OLFML2A: variants seen among roughly 807,000 people sequenced by gnomAD.
OLFML2A encodes the protein olfactomedin-like protein 2A.
In OLFML2A, 47 loss-of-function variants were observed where a neutral mutation model predicts 60.9. The ratio of observed to expected loss-of-function variants is 0.77; its 90% CI spans 0.61 to 0.98. The LOEUF (loss-of-function observed/expected upper bound fraction) is 0.98, where lower values mean the gene tolerates loss of function less well. OLFML2A is among the 50% of genes least tolerant of loss of function. OLFML2A has a pLI of 0.00. For missense variants in OLFML2A, 922 were observed against 879.8 expected, an observed-to-expected ratio of 1.05 and a Z score of -0.61; for synonymous variants, 372 against 375.0, an observed-to-expected ratio of 0.99 and a Z score of 0.09.
rs182318747 is a variant in OLFML2A, at chr9:124,778,155, C to A, written c.90+795C>A. Among the ~76,000 whole-genome samples, 55 of 151,450 alleles carry A rather than the reference C, an allele frequency of 3.6e-4. No individual in the cohort carries two copies. The East Asian group carries it at 7.5e-3, about 21-fold the overall frequency. ...CGGGCGGATCACAAGGTCAGGAGATCGAGACCATCCTGGCTAACACGGTGA... is the reference window on the plus strand; with the variant it reads ...CGGGCGGATCACAAGGTCAGGAGATAGAGACCATCCTGGCTAACACGGTGA... On this transcript the variant is annotated intron_variant, in intron 1 of 7. Coordinates refer to ENST00000373580, the MANE Select transcript of OLFML2A (RefSeq NM_182487.4).
At chr9:124,798,842 A>G (rs553717579) in intron 3 of OLFML2A, among the ~76,000 whole-genome samples, 1 of 152,328 alleles carries the variant, frequency 6.6e-6, no homozygotes, top group African/African-American at 2.4e-5. Context: ...ACGGAGCACT[A>G]TATATGCAGA....
chr9:124,785,362 A>G (rs1194155018), intron 1 of OLFML2A, among the ~76,000 whole-genome samples: 1 of 147,852 alleles, frequency 6.8e-6, no homozygotes, highest in Non-Finnish European at 1.5e-5. Flanking sequence ...TTCACTTCCA[A>G]GTCTTTGTTT....
rs1841841447 is a variant in OLFML2A, at chr9:124,804,188, T to C, written c.1014T>C (p.Asp338=). The change falls in exon 6 of 8, where the codon GAT becomes GAC. Residue 338 remains aspartate, a synonymous_variant. Coordinates refer to ENST00000373580, the MANE Select transcript of OLFML2A (RefSeq NM_182487.4). ...CAGAGCCCAACTCCGCAGAGCAGGA[T>C]GAGGCTGAGCCCAGGTCCTCCGAGC... The part of the protein sequence containing the change: ...NSAEPNSAEQ[D]EAEPRSSERV... The C allele has an allele frequency of 6.2e-7, 1 of 1,614,094 alleles. No individual in the cohort carries two copies.
chr9:124,786,645 C>T (rs1841475887), intron 1 of OLFML2A, among the ~76,000 whole-genome samples: 3 of 150,900 alleles, frequency 2.0e-5, no homozygotes, highest in South Asian at 4.2e-4. Context: ...GGCGTGAACC[C>T]AGGAGGCGGA....
intron 3 of OLFML2A, among the ~76,000 whole-genome samples, chr9:124,797,547 T>C (rs557102396): frequency 9.9e-5 from 15 of 152,238 alleles, no homozygotes; most frequent in African/African-American, 2.4e-5. Context: ...TCAATCACTT[T>C]TAGGTTATCT....
In OLFML2A at chr9:124,779,010, A is replaced by G; in HGVS notation, c.90+1650A>G. ...CACGGTGAGTATATGAGCAGTGGGC[A>G]CTGGCCAACTCTCAGCCTGATTCAG... On this transcript the variant is annotated intron_variant, in intron 1 of 7. Transcript: ENST00000373580. This position sits in a 1 kb window ranked among gnomAD's most constrained non-coding sequence, Gnocchi z 4.1. 1.0e-6 allele frequency: 1 copy of G among 963,686 alleles called. No homozygotes were observed. The highest frequency in any genetic ancestry group is 4.8e-5 in the South Asian group (1 of 20,898). The allele number at this position is 963,686 out of a possible 1,614,324, so 59.7% of individuals were successfully genotyped here. A position where few individuals can be genotyped will look rare whatever the true frequency, so the allele number is the denominator to read the frequency against.
At chr9:124,793,226 G>A (rs979093305) in intron 2 of OLFML2A, among the ~76,000 whole-genome samples, 22 of 152,246 alleles carry the variant, frequency 1.4e-4, no homozygotes, top group African/African-American at 5.3e-4. Flanking sequence ...AGCCAGGGAA[G>A]GCTGGTTTCC....
intron 1 of OLFML2A, among the ~76,000 whole-genome samples, chr9:124,780,701 T>A (rs116399286): frequency 0.01 from 1,592 of 152,302 alleles, 29 homozygotes; most frequent in African/African-American, 0.037. Flanking sequence ...ACACTCCCTT[T>A]GGCTGGGGCA....
In OLFML2A at chr9:124,810,062, G is replaced by A. The variant is rs777076931; in HGVS notation, c.1609G>A (p.Val537Met). 9.3e-6 allele frequency: 15 copies of A among 1,613,736 alleles called. No homozygotes were observed. In the East Asian group the frequency reaches 1.8e-4, roughly 19 times the overall value. Residue 537 changes from valine to methionine, a missense_variant, in exon 8 of 8, where the codon GTG becomes ATG. By Grantham distance (21) the Val-to-Met change is conservative. Coordinates refer to ENST00000373580, the MANE Select transcript of OLFML2A (RefSeq NM_182487.4). ...ESGLWVIYPA[V>M]DDRDEAQPEV... ...CGGCCTGTGGGTCATCTACCCCGCCGTGGACGACCGCGATGAGGCCCAGCC... is the reference window on the plus strand; with the variant it reads ...CGGCCTGTGGGTCATCTACCCCGCCATGGACGACCGCGATGAGGCCCAGCC...
At chr9:124,784,949 T>G (rs1407561534) in intron 1 of OLFML2A, among the ~76,000 whole-genome samples, 1 of 102,740 alleles carries the variant, frequency 9.7e-6, no homozygotes, top group African/African-American at 4.5e-5. Context: ...ACTTGTTTTT[T>G]TTTTTTTTTT....
In OLFML2A at chr9:124,779,536, T is replaced by C. The variant is rs946682081; in HGVS notation, c.90+2176T>C. The stretch of plus-strand genomic sequence containing the variant: ...TCAGCCAAACACTTGCTAGGTTGTG[T>C]GTGTGTGTGGTGGGGGGGGGGTGTT... On this transcript the variant is annotated intron_variant, in intron 1 of 7. Coordinates refer to ENST00000373580, the MANE Select transcript of OLFML2A (RefSeq NM_182487.4). This position sits in a 1 kb window ranked among gnomAD's most constrained non-coding sequence, Gnocchi z 4.1. 1.8e-5 allele frequency among the ~76,000 whole-genome samples: 2 copies of C among 112,440 alleles called. No individual in the cohort carries two copies. Among genetic ancestry groups the C allele is most frequent in the Non-Finnish European group, 3.5e-5 (2 of 57,444 alleles). 73.8% of individuals were successfully genotyped at this position (112,440 alleles called of 152,430 possible). A position where few individuals can be genotyped will look rare whatever the true frequency, so the allele number is the denominator to read the frequency against.
intron 5 of OLFML2A, 94 bp downstream of exon 5, chr9:124,801,757 C>A: frequency 7.5e-7 from 1 of 1,325,538 alleles, no homozygotes; most frequent in East Asian, 2.5e-5. Flanking sequence ...ACCCCAGATT[C>A]AGTTCCACCC....
intron 7 of OLFML2A, 57 bp downstream of exon 7, chr9:124,808,023 C>T: frequency 7.4e-7 from 1 of 1,356,290 alleles, no homozygotes; most frequent in Non-Finnish European, 1.0e-6. Context: ...GGGGAGGGGT[C>T]CTCATGGGGA....
chr9:124,809,857 C>G lies in OLFML2A; in HGVS notation c.1404C>G (p.Gly468=). The change falls in exon 8 of 8, where the codon GGC becomes GGG. Residue 468 remains glycine (G), a synonymous_variant. Transcript: ENST00000373580. The part of the protein sequence containing the change: ...YKLPYNWIGT[G]HVVYQGAFYY... ...TACCCTACAACTGGATCGGCACAGG[C>G]CACGTGGTGTACCAGGGCGCCTTCT... is the stretch of plus-strand genomic sequence containing the variant. 6.2e-7 allele frequency: 1 copy of G among 1,613,840 alleles called. No homozygotes were observed. Among genetic ancestry groups the G allele is most frequent in the Non-Finnish European group, 8.5e-7 (1 of 1,179,852 alleles).
At chr9:124,780,133 A>T (rs1588876296) in intron 1 of OLFML2A, among the ~76,000 whole-genome samples, 1 of 151,932 alleles carries the variant, frequency 6.6e-6, no homozygotes, top group Non-Finnish European at 1.5e-5. Context: ...GGCTGGGAGG[A>T]GGAGGGGGAC....
rs1842080078 is a variant in OLFML2A at position 124,814,470 on chromosome 9, C to T, written c.*4058C>T. ...TTACCCCTAATCCCCCCCCAGGAGC[C>T]CCGAGGCCGGCATTATTCCTCCCCA... On this transcript the variant is annotated 3_prime_UTR_variant, in exon 8 of 8. Transcript: ENST00000373580. The T allele has an allele frequency of 6.6e-6, 1 of 152,228 alleles. No homozygotes were observed. The highest frequency in any genetic ancestry group is 1.9e-4 in the East Asian group (1 of 5,196). The allele number at this position is 152,228 out of a possible 1,614,324, so 9.4% of individuals were successfully genotyped here. A position where few individuals can be genotyped will look rare whatever the true frequency, so the allele number is the denominator to read the frequency against.
Position 124,810,320 on chromosome 9 carries a change from A to G in OLFML2A, c.1867A>G (p.Thr623Ala). ...QLPFLNEHAYTTQIDYNPKER... is the reference protein window; with the variant it reads ...QLPFLNEHAYATQIDYNPKER... ...GCCGTTCCTCAACGAGCACGCCTAC[A>G]CCACCCAGATCGACTACAACCCCAA... The change falls in exon 8 of 8, where the codon ACC (threonine) becomes GCC (alanine). Residue 623 changes from threonine to alanine, a missense_variant. Thr to Ala is a moderately conservative substitution (Grantham distance 58, BLOSUM62 0). Transcript: ENST00000373580. 6.2e-7 allele frequency: 1 copy of G among 1,606,852 alleles called. No homozygotes were observed. Among genetic ancestry groups the G allele is most frequent in the Non-Finnish European group, 8.5e-7 (1 of 1,179,918 alleles).
At chr9:124,797,939 G>A (rs1588884953) in intron 3 of OLFML2A, among the ~76,000 whole-genome samples, 1 of 152,182 alleles carries the variant, frequency 6.6e-6, no homozygotes, top group Admixed American at 6.5e-5. Flanking sequence ...AGTAGGCAAG[G>A]AGCCAGAGCC....
chr9:124,789,136 C>T (rs777163346), intron 2 of OLFML2A, among the ~76,000 whole-genome samples: 4 of 152,206 alleles, frequency 2.6e-5, no homozygotes, highest in Non-Finnish European at 4.4e-5. Flanking sequence ...TGCTATGTTG[C>T]TCAGGCTAAT....
Sources: gnomAD v4.1 joint callset for allele counts (sites outside exome capture counted in the v4.1 genomes callset) on GRCh38, gnomAD v4.1.1 for gene constraint, Gnocchi (gnomAD v3.1) non-coding constraint, MANE v1.5 for transcripts, NCBI Gene and HGNC (gene_info 2026-07-23, HGNC 2026-07-21) for gene names.